The following NCKIPSD variants were observed in gnomAD, a reference collection of about 807,000 sequenced individuals.
The protein encoded by NCKIPSD is NCK interacting protein with SH3 domain, also known as NCK-interacting protein with SH3 domain.
A neutral mutation model predicts 73.4 loss-of-function variants in NCKIPSD; 48 were observed. The observed-to-expected ratio is 0.65, with a 90% CI of 0.52 to 0.83. The LOEUF (loss-of-function observed/expected upper bound fraction) is 0.83. Ranked by LOEUF, NCKIPSD falls within the 40% of genes least tolerant of loss-of-function variation. The pLI is 0.00. For missense variants in NCKIPSD, 884 were observed against 970.2 expected (o/e 0.91, Z 1.18); for synonymous variants, 422 against 403.6 (o/e 1.05, Z -0.54).
At chr3:48,685,331 CCATT>C (rs1198067323) in intron 1 of NCKIPSD, among the ~76,000 whole-genome samples, 2 of 151,834 alleles carry the variant, frequency 1.3e-5, no homozygotes, top group African/African-American at 4.8e-5. Context: ...CTCAGGGTCG[CCATT>C]CAGATGGCGG....
intron 1 of NCKIPSD, 38 bp downstream of exon 1, chr3:48,685,599 C>A: frequency 6.7e-7 from 1 of 1,502,312 alleles, no homozygotes; most frequent in Admixed American, 2.1e-5. Context: ...GGTCCTGCCC[C>A]AGGGGCGCGG....
At chr3:48,682,262 A>G (rs1004926546) in intron 3 of NCKIPSD, 86 bp downstream of exon 3, 11 of 1,581,898 alleles carry the variant, frequency 7.0e-6, no homozygotes, top group Non-Finnish European at 7.8e-6. Flanking sequence ...TCTGGGCCGC[A>G]TCACTCCTGA....
chr3:48,680,336 TCAA>T lies in NCKIPSD; in HGVS notation c.1093-110_1093-108del, dbSNP rs2077330728. ...ATCTGTGGACTTTTACTCCATGAAC[TCAA>T]GTCCCTCCTGGCCCACACTGGACAG... is the stretch of plus-strand genomic sequence containing the variant. On this transcript the variant is annotated intron_variant, in intron 5 of 12. Coordinates refer to ENST00000294129, the MANE Select transcript of NCKIPSD (RefSeq NM_016453.4). 2.4e-6 allele frequency: 3 copies of T among 1,270,842 alleles called. No individual in the cohort carries two copies. In the Admixed American group the frequency reaches 8.8e-5, roughly 37 times the overall value. 78.7% of individuals were successfully genotyped at this position (1,270,842 alleles called of 1,614,324 possible).
intron 1 of NCKIPSD, among the ~76,000 whole-genome samples, chr3:48,683,979 G>GACACACACACACACACAC (rs545029045): frequency 5.3e-4 from 69 of 131,186 alleles, no homozygotes; most frequent in Admixed American, 2.3e-3. Context: ...AAGACATGAA[G>GACACACACACACACACAC]ACACACACAC....
At chr3:48,683,175 A>G (rs1254823546) in intron 1 of NCKIPSD, 163 bp from the exon 2 acceptor site, 1 of 1,300,602 alleles carries the variant, frequency 7.7e-7, no homozygotes, top group Non-Finnish European at 1.1e-6. Flanking sequence ...TGGGGTTCTC[A>G]AACTGTATCA....
chr3:48,681,195 G>C, intron 5 of NCKIPSD, 92 bp downstream of exon 5: 1 of 1,482,500 alleles, frequency 6.7e-7, no homozygotes. Flanking sequence ...GCCAGAGCTT[G>C]AGAAATACCT....
At chr3:48,678,476 C>G (rs891093028) in intron 12 of NCKIPSD, 88 bp downstream of exon 12, 2 of 1,453,972 alleles carry the variant, frequency 1.4e-6, no homozygotes, top group African/African-American at 2.8e-5. Flanking sequence ...TGGCCTTGCC[C>G]CCTCATCTCC....
Position 48,679,171 on chromosome 3 carries a change from G to A in NCKIPSD, c.1583C>T (p.Thr528Met), listed in dbSNP as rs775376697. 17 of 1,613,918 alleles carry A rather than the reference G, an allele frequency of 1.1e-5. No individual in the cohort carries two copies. The highest frequency in any genetic ancestry group is 3.3e-5 in the South Asian group (3 of 91,078). ...GTTCAGTAGGAACTGGGCGAAAGGCGTGCCCAGGTGCTCTGGGAGAGGGGC... is the reference window on the plus strand; with the variant it reads ...GTTCAGTAGGAACTGGGCGAAAGGCATGCCCAGGTGCTCTGGGAGAGGGGC... Reference protein sequence around the residue: ...VPYAHYEHLGTPFAQFLLNIV... With the variant: ...VPYAHYEHLGMPFAQFLLNIV... The change falls in exon 10 of 13, where the codon ACG (threonine) becomes ATG (methionine). Residue 528 changes from threonine (T) to methionine (M), a missense_variant. Coordinates refer to ENST00000294129, the MANE Select transcript of NCKIPSD (RefSeq NM_016453.4).
chr3:48,675,837 C>T (rs761842817), intron 12 of NCKIPSD, among the ~76,000 whole-genome samples: 5 of 152,072 alleles, frequency 3.3e-5, no homozygotes, highest in Admixed American at 6.6e-5. Flanking sequence ...TGAACCACCA[C>T]GCCCGGCCAG....
intron 1 of NCKIPSD, among the ~76,000 whole-genome samples, chr3:48,683,857 G>C (rs955647868): frequency 6.6e-6 from 1 of 152,122 alleles, no homozygotes; most frequent in African/African-American, 2.4e-5. Context: ...ATTCCACCAT[G>C]GGTTTGAGAA....
chr3:48,681,960 A>T, intron 4 of NCKIPSD, 85 bp downstream of exon 4: 1 of 1,514,546 alleles, frequency 6.6e-7, no homozygotes, highest in South Asian at 1.2e-5. Context: ...CCCAGCTTAG[A>T]GCCTCCATTT....
rs547750690 is a variant in NCKIPSD, at chr3:48,676,864, G to A, written c.1965+1700C>T. On this transcript the variant is annotated intron_variant, in intron 12 of 12. Coordinates refer to ENST00000294129, the MANE Select transcript of NCKIPSD (RefSeq NM_016453.4). ...TGGCTCACAGCAACCTCCACCTCCC[G>A]GGTTCAAGCAATTCTCCTGCCTCAG... Among the ~76,000 whole-genome samples, 9 of 151,600 alleles carry A rather than the reference G, an allele frequency of 5.9e-5. No homozygotes were observed. In the South Asian group the frequency reaches 6.3e-4, roughly 11 times the overall value.
chr3:48,682,268 CCT>C (rs2077367355), intron 3 of NCKIPSD, 78 bp downstream of exon 3: 1 of 1,589,920 alleles, frequency 6.3e-7, no homozygotes, highest in Non-Finnish European at 8.6e-7. Flanking sequence ...CCGCATCACT[CCT>C]GAGTGGACCC....
intron 5 of NCKIPSD, 101 bp downstream of exon 5, chr3:48,681,186 C>A: frequency 1.4e-6 from 2 of 1,469,038 alleles, no homozygotes; most frequent in Non-Finnish European, 1.8e-6. Context: ...GAGCTCAGAG[C>A]CAGAGCTTGA....
At position 48,683,016 on chromosome 3, in the gene NCKIPSD, G is replaced by T. The variant is rs554363447; in HGVS notation, c.172-4C>A. 6 of 1,549,576 alleles carry T rather than the reference G, an allele frequency of 3.9e-6. No individual in the cohort carries two copies. The highest frequency in any genetic ancestry group is 3.9e-5 in the Admixed American group (2 of 50,992). On this transcript the variant is annotated splice_polypyrimidine_tract_variant and splice_region_variant and intron_variant, in intron 1 of 12. Coordinates refer to ENST00000294129, the MANE Select transcript of NCKIPSD (RefSeq NM_016453.4). ...GGAGGACATCCTGCTCCAGGCCCTGGGGGGGGCAGGGGACAGCAGTTAGAC... is the reference window on the plus strand; with the variant it reads ...GGAGGACATCCTGCTCCAGGCCCTGTGGGGGGCAGGGGACAGCAGTTAGAC...
At position 48,674,371 on chromosome 3, in the gene NCKIPSD, C is replaced by G. The variant is rs2077219786; in HGVS notation, c.*173G>C. ...CCCAGAACAGCTCCCAGACCATGGT[C>G]CCCAATCCTACACTTGGCCCCTCTC... On this transcript the variant is annotated 3_prime_UTR_variant, in exon 13 of 13. Transcript: ENST00000294129. The G allele has an allele frequency of 6.9e-7, 1 of 1,443,972 alleles. No individual in the cohort carries two copies. The highest frequency in any genetic ancestry group is 1.4e-5 in the African/African-American group (1 of 70,214). The allele number at this position is 1,443,972 out of a possible 1,614,324, so 89.4% of individuals were successfully genotyped here. A position where few individuals can be genotyped will look rare whatever the true frequency, so the allele number is the denominator to read the frequency against.
chr3:48,679,894 A>G lies in NCKIPSD; in HGVS notation c.1264-7T>C. On this transcript the variant is annotated splice_polypyrimidine_tract_variant and splice_region_variant and intron_variant, in intron 6 of 12. Coordinates refer to ENST00000294129, the MANE Select transcript of NCKIPSD (RefSeq NM_016453.4). ...CTTCAGGGTCTGCATCAGTCTACAG[A>G]AATGAGGAAGTGAGAGCATCAGCCA... is the stretch of plus-strand genomic sequence containing the variant. 6.2e-7 allele frequency: 1 copy of G among 1,614,186 alleles called. No homozygotes were observed.
Position 48,674,304 on chromosome 3 carries a change from T to C in NCKIPSD, c.*240A>G, listed in dbSNP as rs533215066. On this transcript the variant is annotated 3_prime_UTR_variant, in exon 13 of 13. Transcript: ENST00000294129. ...AGGGGGGCATGCTGAAGAGGAAGCC[T>C]ACCAGGGTATAGAGGGGCTTTAGCT... is the stretch of plus-strand genomic sequence containing the variant. The C allele has an allele frequency of 7.2e-6, 10 of 1,379,578 alleles. No homozygotes were observed. In the Admixed American group the frequency reaches 2.1e-4, roughly 29 times the overall value. 85.5% of individuals were successfully genotyped at this position (1,379,578 alleles called of 1,614,324 possible). A position where few individuals can be genotyped will look rare whatever the true frequency, so the allele number is the denominator to read the frequency against.
intron 2 of NCKIPSD, 22 bp from the exon 3 acceptor site, chr3:48,682,574 T>G: frequency 6.2e-7 from 1 of 1,610,598 alleles, no homozygotes; most frequent in Non-Finnish European, 8.5e-7. Context: ...ACAGGAAGAC[T>G]ATTGGGGGGT....
Sources: gnomAD v4.1 joint callset for allele counts (sites outside exome capture counted in the v4.1 genomes callset) on GRCh38, gnomAD v4.1.1 for gene constraint, MANE v1.5 for transcripts, NCBI Gene and HGNC (gene_info 2026-07-23, HGNC 2026-07-21) for gene names.